The following RAB3GAP1 variants were observed in gnomAD, a reference collection of about 807,000 sequenced individuals.
RAB3GAP1 encodes rab3 GTPase-activating protein catalytic subunit.
RAB3GAP1 carries 86 observed loss-of-function variants against 130.7 expected under a neutral mutation model. The ratio of observed to expected loss-of-function variants is 0.66; its 90% CI spans 0.55 to 0.79. The LOEUF (loss-of-function observed/expected upper bound fraction) is 0.79, where lower values mean the gene tolerates loss of function less well. Ranked by LOEUF, RAB3GAP1 falls within the 30% of genes least tolerant of loss-of-function variation. RAB3GAP1 has a pLI of 0.00. For synonymous variants in RAB3GAP1, 367 were observed against 401.7 expected (o/e 0.91, Z 1.03); for missense variants, 1,029 against 1,169.4 (o/e 0.88, Z 1.75).
At chr2:135,061,273 CAT>C (rs1193973199) in intron 3 of RAB3GAP1, among the ~76,000 whole-genome samples, 6 of 152,014 alleles carry the variant, frequency 3.9e-5, no homozygotes, top group African/African-American at 1.4e-4. Context: ...CTTTTGTGGG[CAT>C]ATGTTTTTAT....
intron 5 of RAB3GAP1, among the ~76,000 whole-genome samples, chr2:135,097,529 G>A (rs946275456): frequency 6.6e-6 from 1 of 151,940 alleles, no homozygotes; most frequent in Admixed American, 6.6e-5. Context: ...CCACACTCTC[G>A]ACATCCTTAT....
Position 135,121,601 on chromosome 2 carries a change from A to G in RAB3GAP1, c.748+683A>G, listed in dbSNP as rs541656673. ...GGGTGTTTCTTTCACATGTTTGATT[A>G]TATTAAAGCACATCTAATAAGGAAT... is the stretch of plus-strand genomic sequence containing the variant. On this transcript the variant is annotated intron_variant, in intron 8 of 23. Transcript: ENST00000264158. Among the ~76,000 whole-genome samples, 5 of 152,334 alleles carry G rather than the reference A, an allele frequency of 3.3e-5. No homozygotes were observed. The South Asian group carries it at 1.0e-3, about 32-fold the overall frequency.
At chr2:135,138,082 C>T (rs568239394) in intron 17 of RAB3GAP1, among the ~76,000 whole-genome samples, 91 of 152,062 alleles carry the variant, frequency 6.0e-4, no homozygotes, top group African/African-American at 1.8e-3. Flanking sequence ...CTGCCTCAGC[C>T]TCCCAAAGTG....
At chr2:135,164,572 A>G in intron 22 of RAB3GAP1, 22 bp from the exon 23 acceptor site, 5 of 1,579,870 alleles carry the variant, frequency 3.2e-6, no homozygotes, top group Non-Finnish European at 4.3e-6. Flanking sequence ...CCACCCTTTC[A>G]TTGCCTGTCT....
chr2:135,104,034 A>G (rs1690525075), intron 5 of RAB3GAP1, among the ~76,000 whole-genome samples: 1 of 152,214 alleles, frequency 6.6e-6, no homozygotes, highest in Non-Finnish European at 1.5e-5. Flanking sequence ...CAGATCATTT[A>G]GCAGAAAGTG....
At chr2:135,053,372 A>G (rs1688931459) in intron 2 of RAB3GAP1, among the ~76,000 whole-genome samples, 2 of 152,256 alleles carry the variant, frequency 1.3e-5, no homozygotes, top group African/African-American at 4.8e-5. Context: ...GTGCCTGTCA[A>G]ATTCAGATGA....
In RAB3GAP1 at chr2:135,126,189, A is replaced by G; in HGVS notation, c.839A>G (p.His280Arg). The G allele has an allele frequency of 1.2e-6, 2 of 1,611,974 alleles. No individual in the cohort carries two copies. Among genetic ancestry groups the G allele is most frequent in the Non-Finnish European group, 1.7e-6 (2 of 1,178,306 alleles). ...TATTTTATGTTTTTTAGTGAACTCC[A>G]TTTAGCTACTACATGGCCTCATCTG... ...GACEDPISEL[H>R]LATTWPHLTE... The change falls in exon 10 of 24, where the codon CAT becomes CGT. Residue 280 changes from histidine to arginine, a missense_variant. By Grantham distance (29) the His-to-Arg change is conservative (BLOSUM62 0). Transcript: ENST00000264158.
In RAB3GAP1 at chr2:135,117,582, G is replaced by GCTGCTTCTTCTGCTT. The variant is rs1558784399; in HGVS notation, c.648+2203_648+2204insGCTTCTTCTGCTTCT. On this transcript the variant is annotated intron_variant, in intron 7 of 23. Transcript: ENST00000264158. ...TGCTTCTTCTTCTGCTTCTTCTTCT[G>GCTGCTTCTTCTGCTT]CTTCTTCTTCTGCTGCTTCTTCTGC... Among the ~76,000 whole-genome samples the GCTGCTTCTTCTGCTT allele has an allele frequency of 9.9e-4, 60 of 60,628 alleles. 3 individuals are homozygous for GCTGCTTCTTCTGCTT. The highest frequency in any genetic ancestry group is 2.6e-3 in the African/African-American group (57 of 22,084). 39.8% of individuals were successfully genotyped at this position (60,628 alleles called of 152,430 possible). A position where few individuals can be genotyped will look rare whatever the true frequency, so the allele number is the denominator to read the frequency against.
intron 5 of RAB3GAP1, among the ~76,000 whole-genome samples, chr2:135,099,174 C>T (rs903019633): frequency 2.6e-5 from 4 of 151,752 alleles, no homozygotes; most frequent in East Asian, 1.9e-4. Flanking sequence ...TAGGTTTTTT[C>T]GTAGATGCTC....
At chr2:135,112,830 TCTCTCACACACA>T (rs1412637358) in intron 5 of RAB3GAP1, among the ~76,000 whole-genome samples, 1 of 127,734 alleles carries the variant, frequency 7.8e-6, no homozygotes, top group African/African-American at 3.7e-5. Flanking sequence ...TCTCTCTCTC[TCTCTCACACACA>T]CACACACACA....
rs1321839097 is a variant in RAB3GAP1 at position 135,091,015 on chromosome 2, C to T, written c.168C>T (p.Gly56=). ...KPLEKGIFTS[G]TWEEKSDEIS... ...ACATATAGGGTATATTTACTTCTGG[C>T]ACATGGGAAGAGAAATCAGATGAAA... Residue 56 remains glycine (G), a synonymous_variant, in exon 4 of 24, where the codon GGC becomes GGT. Transcript: ENST00000264158. 9 of 1,612,018 alleles carry T rather than the reference C, an allele frequency of 5.6e-6. No homozygotes were observed. Among genetic ancestry groups the T allele is most frequent in the Non-Finnish European group, 6.8e-6 (8 of 1,178,516 alleles).
At chr2:135,057,658 C>A (rs1201347859) in intron 2 of RAB3GAP1, among the ~76,000 whole-genome samples, 1 of 152,184 alleles carries the variant, frequency 6.6e-6, no homozygotes, top group African/African-American at 2.4e-5. Flanking sequence ...CTGCACCCAG[C>A]CCATAATTAT....
intron 2 of RAB3GAP1, among the ~76,000 whole-genome samples, chr2:135,057,394 A>C (rs1044341596): frequency 1.3e-5 from 2 of 152,116 alleles, no homozygotes; most frequent in African/African-American, 2.4e-5. Flanking sequence ...GATTGGTTTC[A>C]TAATTTTATT....
At chr2:135,117,600 T>TCTTCTGCTTCTTCTG (rs1558784465) in intron 7 of RAB3GAP1, among the ~76,000 whole-genome samples, 2 of 117,474 alleles carry the variant, frequency 1.7e-5, no homozygotes, top group African/African-American at 3.0e-5. Flanking sequence ...TTCTGCTGCT[T>TCTTCTGCTTCTTCTG]CTTCTGCTTC....
chr2:135,079,510 C>A (rs936867489), intron 3 of RAB3GAP1, among the ~76,000 whole-genome samples: 4 of 152,194 alleles, frequency 2.6e-5, no homozygotes, highest in Non-Finnish European at 5.9e-5. Context: ...ATGGTCAGGT[C>A]TCTAATTTCT....
At chr2:135,134,095 T>C (rs1691619431) in intron 15 of RAB3GAP1, 62 bp downstream of exon 15, 6 of 1,590,846 alleles carry the variant, frequency 3.8e-6, no homozygotes, top group Non-Finnish European at 5.2e-6. Flanking sequence ...CATTTGACTT[T>C]TGACCTATTT....
chr2:135,069,344 G>A (rs888655557), intron 3 of RAB3GAP1, among the ~76,000 whole-genome samples: 1 of 152,126 alleles, frequency 6.6e-6, no homozygotes, highest in South Asian at 2.1e-4. Context: ...GGATGGTCTT[G>A]TACCTTTTAA....
intron 3 of RAB3GAP1, among the ~76,000 whole-genome samples, chr2:135,072,738 T>C (rs1388472620): frequency 6.6e-6 from 1 of 152,216 alleles, no homozygotes; most frequent in East Asian, 1.9e-4. Context: ...TCATATAAAG[T>C]ATCTTTTTTA....
At chr2:135,109,671 T>A (rs886210362) in intron 5 of RAB3GAP1, among the ~76,000 whole-genome samples, 12 of 152,066 alleles carry the variant, frequency 7.9e-5, no homozygotes, top group African/African-American at 7.2e-5. Flanking sequence ...AAGTTCCACT[T>A]CCTGGGTTCA....
Sources: gnomAD v4.1 joint callset for allele counts (sites outside exome capture counted in the v4.1 genomes callset) on GRCh38, gnomAD v4.1.1 for gene constraint, MANE v1.5 for transcripts, NCBI Gene and HGNC (gene_info 2026-07-23, HGNC 2026-07-21) for gene names.